PTPRG: variants seen among roughly 807,000 people sequenced by gnomAD.
PTPRG encodes receptor-type tyrosine-protein phosphatase gamma.
PTPRG carries 102 observed loss-of-function variants against 165.3 expected under a neutral mutation model. The ratio of observed to expected loss-of-function variants is 0.62; its 90% CI spans 0.53 to 0.73. The LOEUF (loss-of-function observed/expected upper bound fraction) is 0.73, where lower values mean the gene tolerates loss of function less well. PTPRG is among the 30% of genes least tolerant of loss of function. The pLI, the probability that PTPRG is intolerant of heterozygous loss-of-function variation, is 0.00. For missense variants in PTPRG, 1,866 were observed against 1,861.4 expected (o/e 1.00, Z -0.05); for synonymous variants, 675 against 669.5 (o/e 1.01, Z -0.13).
chr3:61,758,199 G>A (rs987956147), intron 2 of PTPRG, among the ~76,000 whole-genome samples: 12 of 145,854 alleles, frequency 8.2e-5, no homozygotes, highest in African/African-American at 2.8e-4. Context: ...TGGCCAGGCC[G>A]ATCTCAAACT....
intron 4 of PTPRG, among the ~76,000 whole-genome samples, chr3:62,024,698 T>A (rs1346853524): frequency 6.6e-6 from 1 of 152,246 alleles, no homozygotes; most frequent in Non-Finnish European, 1.5e-5. Context: ...AAGTAAACAT[T>A]ATTGGATGCA....
rs369997770 is a variant in PTPRG at position 62,196,778 on chromosome 3, GGTGAACGCTTTTTGA to G, written c.1327+1611_1327+1625del. On this transcript the variant is annotated intron_variant, in intron 10 of 29. Coordinates refer to ENST00000474889, the MANE Select transcript of PTPRG (RefSeq NM_002841.4). Reference sequence around the variant, plus strand: ...ACCACGCCAGGTTAACCAGGCCAGTGGTGAACGCTTTTTGAGTTACAAATCTGATGAAGGTTTGGA... The same window carrying G: ...ACCACGCCAGGTTAACCAGGCCAGTGGTTACAAATCTGATGAAGGTTTGGA... 4.4e-3 allele frequency among the ~76,000 whole-genome samples: 664 copies of G among 152,282 alleles called. 4 individuals are homozygous for G. The highest frequency in any genetic ancestry group is 0.015 in the African/African-American group (641 of 41,560).
chr3:61,720,540 C>T (rs577819552), intron 1 of PTPRG, among the ~76,000 whole-genome samples: 5 of 152,220 alleles, frequency 3.3e-5, no homozygotes. Flanking sequence ...TAACCAACTC[C>T]CAGATGAAAA....
intron 1 of PTPRG, among the ~76,000 whole-genome samples, chr3:61,680,743 G>GCTTTTTAGTGAGATT (rs766786219): frequency 6.5e-5 from 9 of 138,816 alleles, no homozygotes; most frequent in Admixed American, 2.2e-4. Context: ...TATCAGGTGT[G>GCTTTTTAGTGAGATT]GTACAGGTTG....
intron 2 of PTPRG, among the ~76,000 whole-genome samples, chr3:61,965,169 G>T (rs1354057944): frequency 6.6e-6 from 1 of 150,470 alleles, no homozygotes; most frequent in Non-Finnish European, 1.5e-5. Flanking sequence ...GCTTGAACCC[G>T]GGAGACGGAG....
chr3:62,125,530 T>C (rs1020493032), intron 5 of PTPRG, among the ~76,000 whole-genome samples: 9 of 152,126 alleles, frequency 5.9e-5, no homozygotes, highest in African/African-American at 2.2e-4. Context: ...GCCTTTGATA[T>C]TGTTGGGGCT....
chr3:62,135,428 A>T (rs145075868), intron 6 of PTPRG, among the ~76,000 whole-genome samples: 1 of 152,230 alleles, frequency 6.6e-6, no homozygotes, highest in African/African-American at 2.4e-5. Flanking sequence ...AATGACAGAG[A>T]TGTGTAAAGA....
chr3:61,682,412 G>A (rs1451037833), intron 1 of PTPRG, among the ~76,000 whole-genome samples: 1 of 152,204 alleles, frequency 6.6e-6, no homozygotes, highest in Non-Finnish European at 1.5e-5. Flanking sequence ...TATAGCAGAT[G>A]CTGTTAAATG....
rs1316884430 is a variant in PTPRG, at chr3:62,203,225, C to T, written c.1430C>T (p.Ser477Phe). The T allele has an allele frequency of 6.2e-7, 1 of 1,613,128 alleles. No individual in the cohort carries two copies. Among genetic ancestry groups the T allele is most frequent in the Non-Finnish European group, 8.5e-7 (1 of 1,179,450 alleles). Residue 477 changes from serine (S) to phenylalanine (F), a missense_variant, in exon 12 of 30, where the codon TCT becomes TTT. This residue lies in a region of PTPRG where 1,452 missense variants were observed against 1,463.0 expected (regional missense o/e 0.99). Coordinates refer to ENST00000474889, the MANE Select transcript of PTPRG (RefSeq NM_002841.4). The surrounding 1 kb of genome is among the most constrained non-coding windows in gnomAD (Gnocchi z 6.4). ...GACATGGCCCCCATCAGCTCGGGGT[C>T]TTCTACCTGGACGTCCTCTGGCATC... Reference protein sequence around the residue: ...SADMAPISSGSSTWTSSGIPF... With the variant: ...SADMAPISSGFSTWTSSGIPF...
chr3:62,053,389 C>T (rs978341832), intron 4 of PTPRG, among the ~76,000 whole-genome samples: 4 of 151,718 alleles, frequency 2.6e-5, no homozygotes, highest in Admixed American at 2.0e-4. Flanking sequence ...GCCTCAGCCT[C>T]CCGAGTAGCT....
At chr3:61,621,042 T>C (rs1701438083) in intron 1 of PTPRG, among the ~76,000 whole-genome samples, 1 of 134,578 alleles carries the variant, frequency 7.4e-6, no homozygotes, top group Non-Finnish European at 1.5e-5. Context: ...TGTATATATA[T>C]ATATATATAT....
intron 4 of PTPRG, among the ~76,000 whole-genome samples, chr3:62,022,667 T>C (rs1020619794): frequency 1.2e-4 from 19 of 152,192 alleles, no homozygotes; most frequent in Non-Finnish European, 2.5e-4. Context: ...GGCTCCCAGA[T>C]TGATAGCGTC....
chr3:61,797,119 A>T (rs2035073513), intron 2 of PTPRG, among the ~76,000 whole-genome samples: 1 of 152,188 alleles, frequency 6.6e-6, no homozygotes, highest in Non-Finnish European at 1.5e-5. Flanking sequence ...AGGAGCTAAG[A>T]TATTCATCAT....
At chr3:61,649,093 A>G (rs1421524640) in intron 1 of PTPRG, among the ~76,000 whole-genome samples, 1 of 152,058 alleles carries the variant, frequency 6.6e-6, no homozygotes, top group Non-Finnish European at 1.5e-5. Context: ...AGTATGCCGG[A>G]GACTGGTTAA....
chr3:61,932,119 C>T (rs988508599), intron 2 of PTPRG, among the ~76,000 whole-genome samples: 6 of 152,292 alleles, frequency 3.9e-5, no homozygotes, highest in African/African-American at 1.2e-4. Flanking sequence ...ATTTACTCTC[C>T]AGGTCAATTA....
intron 28 of PTPRG, among the ~76,000 whole-genome samples, chr3:62,285,272 C>T (rs947353261): frequency 7.9e-5 from 12 of 152,180 alleles, no homozygotes; most frequent in African/African-American, 2.4e-4. Flanking sequence ...ACCCCTATAA[C>T]AAATTGTCCC....
intron 2 of PTPRG, among the ~76,000 whole-genome samples, chr3:61,841,898 C>A (rs2036646475): frequency 6.6e-6 from 1 of 152,126 alleles, no homozygotes; most frequent in Non-Finnish European, 1.5e-5. Context: ...AGGCAAATTA[C>A]CCATAAAAAT....
chr3:62,281,367 AT>A (rs1223031278), intron 26 of PTPRG, among the ~76,000 whole-genome samples, 195 bp from the exon 27 acceptor site: 1 of 151,914 alleles, frequency 6.6e-6, no homozygotes, highest in African/African-American at 2.4e-5. Flanking sequence ...CTAGAAAATG[AT>A]TATCAAAATA....
At chr3:61,682,035 A>C (rs932751902) in intron 1 of PTPRG, among the ~76,000 whole-genome samples, 5 of 151,828 alleles carry the variant, frequency 3.3e-5, no homozygotes, top group African/African-American at 1.2e-4. Flanking sequence ...TGTAATCCCA[A>C]CTATATGGGA....
Sources: gnomAD v4.1 joint callset for allele counts (sites outside exome capture counted in the v4.1 genomes callset) on GRCh38, gnomAD v4.1.1 for gene constraint, gnomAD v4.1.1 regional missense constraint, Gnocchi (gnomAD v3.1) non-coding constraint, MANE v1.5 for transcripts, NCBI Gene and HGNC (gene_info 2026-07-23, HGNC 2026-07-21) for gene names.